Variants in FRY observed in about 807,000 individuals in gnomAD.
FRY encodes the protein protein furry homolog.
Under a neutral mutation model 348.4 loss-of-function variants are expected in FRY, and 128 were observed. The ratio of observed to expected loss-of-function variants is 0.37; its 90% CI spans 0.32 to 0.43. The LOEUF is 0.43. FRY is among the 20% of genes least tolerant of loss of function. The pLI is 1.00. For synonymous variants in FRY, 1,370 were observed against 1,374.7 expected (o/e 1.00, Z 0.08); for missense variants, 2,736 against 3,695.2 (o/e 0.74, Z 6.73).
intron 1 of FRY, among the ~76,000 whole-genome samples, chr13:32,070,023 T>A (rs1874531931): frequency 1.3e-5 from 2 of 152,312 alleles, no homozygotes; most frequent in South Asian, 4.1e-4. Context: ...GTCATCCATG[T>A]CCCTGCAAAG....
In FRY at chr13:32,293,064, A is replaced by G. The variant is rs529840638; in HGVS notation, c.8581-1304A>G. Among the ~76,000 whole-genome samples the G allele has an allele frequency of 1.2e-3, 186 of 152,292 alleles. 2 individuals are homozygous for G. The highest frequency in any genetic ancestry group is 4.2e-3 in the African/African-American group (176 of 41,570). ...GTATTTAGACTACAATATTGTGTAA[A>G]CATAATTTTTATAGGCATGGGGAAA... On this transcript the variant is annotated intron_variant, in intron 59 of 60. Transcript: ENST00000542859.
Position 32,225,808 on chromosome 13 carries a change from T to A in FRY, c.5040T>A (p.Pro1680=). The A allele has an allele frequency of 6.2e-7, 1 of 1,613,952 alleles. No individual in the cohort carries two copies. The highest frequency in any genetic ancestry group is 8.5e-7 in the Non-Finnish European group (1 of 1,179,794). ...AVFLGLDHYR[P]EVFEHSKKLL... is the part of the protein sequence containing the mutation. ...TTCCAGGTTTAGACCACTACCGGCC[T>A]GAAGTCTTTGAACACAGCAAAAAAC... The change falls in exon 39 of 61, where the codon CCT becomes CCA. Residue 1680 remains proline (P), a synonymous_variant. Coordinates refer to ENST00000542859, the MANE Select transcript of FRY (RefSeq NM_023037.3).
At chr13:32,073,914 T>C (rs912274053) in intron 1 of FRY, among the ~76,000 whole-genome samples, 1 of 152,176 alleles carries the variant, frequency 6.6e-6, no homozygotes, top group African/African-American at 2.4e-5. Flanking sequence ...GAGGTGTTTA[T>C]ATTGGTGCTA....
At chr13:32,289,056 A>G (rs1484315438) in intron 58 of FRY, among the ~76,000 whole-genome samples, 4 of 152,246 alleles carry the variant, frequency 2.6e-5, no homozygotes, top group Admixed American at 6.5e-5. Context: ...TCCTTTCCAC[A>G]GAAATTTTCA....
intron 18 of FRY, among the ~76,000 whole-genome samples, chr13:32,172,163 T>C (rs1450672264): frequency 2.6e-5 from 4 of 151,848 alleles, no homozygotes; most frequent in African/African-American, 9.7e-5. Flanking sequence ...TGGATATTGA[T>C]GTGGACGTGG....
intron 11 of FRY, 21 bp downstream of exon 11, chr13:32,136,993 A>G (rs1879762851): frequency 4.5e-6 from 6 of 1,329,470 alleles, no homozygotes; most frequent in Non-Finnish European, 6.5e-6. Flanking sequence ...GTCAGCTCAA[A>G]AACGATCTCT....
rs577822938 is a variant in FRY, at chr13:32,258,077, G to A, written c.7417-3539G>A. The stretch of plus-strand genomic sequence containing the variant: ...TTTTCCTCCCTTCCAGAATATATAT[G>A]CTTATTTGCGTGCATATTTCCATTT... On this transcript the variant is annotated intron_variant, in intron 51 of 60. Coordinates refer to ENST00000542859, the MANE Select transcript of FRY (RefSeq NM_023037.3). 1.4e-5 allele frequency: 12 copies of A among 861,280 alleles called. No homozygotes were observed. In the South Asian group the frequency reaches 1.7e-4, roughly 12 times the overall value. The allele number at this position is 861,280 out of a possible 1,614,324, so 53.4% of individuals were successfully genotyped here.
At chr13:32,114,554 A>G (rs1487983351) in intron 3 of FRY, among the ~76,000 whole-genome samples, 1 of 152,184 alleles carries the variant, frequency 6.6e-6, no homozygotes, top group East Asian at 1.9e-4. Flanking sequence ...AGCATACCAC[A>G]TGAACGTTTA....
chr13:32,054,278 T>C (rs1175804089), intron 1 of FRY, among the ~76,000 whole-genome samples: 1 of 151,796 alleles, frequency 6.6e-6, no homozygotes, highest in Admixed American at 6.6e-5. Flanking sequence ...TTCTGGGAGG[T>C]ATACTAACTA....
chr13:32,032,029 TTC>T (rs1335518836), intron 1 of FRY, among the ~76,000 whole-genome samples, 164 bp downstream of exon 1: 5 of 150,778 alleles, frequency 3.3e-5, no homozygotes, highest in African/African-American at 9.8e-5. Context: ...TTCTTTTTCT[TTC>T]TTTCTTTCTT....
chr13:32,038,727 A>G (rs868834304), intron 1 of FRY: 3 of 152,336 alleles, frequency 2.0e-5, no homozygotes, highest in East Asian at 1.9e-4. Context: ...GGGCTTTTCC[A>G]TAAGACCATC....
chr13:32,117,422 T>C lies in FRY; in HGVS notation c.413T>C (p.Ile138Thr). 1 of 1,613,880 alleles carries C rather than the reference T, an allele frequency of 6.2e-7. No individual in the cohort carries two copies. The highest frequency in any genetic ancestry group is 8.5e-7 in the Non-Finnish European group (1 of 1,179,764). ...GACTGGTATAAAAGGCAAAATGGCA[T>C]TGAGGATGAATCACATGAATACAGA... ...LFDWYKRQNGIEDESHEYRPR... is the reference protein window; with the variant it reads ...LFDWYKRQNGTEDESHEYRPR... Residue 138 changes from isoleucine to threonine, a missense_variant, in exon 4 of 61, where the codon ATT becomes ACT. Coordinates refer to ENST00000542859, the MANE Select transcript of FRY (RefSeq NM_023037.3).
rs1444198968 is a variant in FRY, at chr13:32,275,007, C to T, written c.8286+16C>T. The T allele has an allele frequency of 6.2e-7, 1 of 1,608,332 alleles. No individual in the cohort carries two copies. Among genetic ancestry groups the T allele is most frequent in the Non-Finnish European group, 8.5e-7 (1 of 1,174,974 alleles). ...TGCCGAGACTGTGAGTATCCCAGTC[C>T]TGCTCTGACAGTGAAGGGCCTACGC... is the stretch of plus-strand genomic sequence containing the variant. On this transcript the variant is annotated intron_variant, in intron 56 of 60. Transcript: ENST00000542859.
At chr13:32,208,768 T>G in intron 31 of FRY, 85 bp from the exon 32 acceptor site, 1 of 1,488,900 alleles carries the variant, frequency 6.7e-7, no homozygotes, top group Non-Finnish European at 9.4e-7. Flanking sequence ...AGGACACTGT[T>G]CAGTCTGCAA....
intron 2 of FRY, among the ~76,000 whole-genome samples, chr13:32,100,960 T>C (rs1297467280): frequency 6.6e-6 from 1 of 151,816 alleles, no homozygotes; most frequent in Non-Finnish European, 1.5e-5. Context: ...ACCATCACCT[T>C]GAAGGTTTCA....
intron 1 of FRY, among the ~76,000 whole-genome samples, chr13:32,057,504 G>A (rs1008373874): frequency 2.0e-5 from 3 of 152,080 alleles, no homozygotes; most frequent in Non-Finnish European, 4.4e-5. Flanking sequence ...GTAGTTGTAT[G>A]ATCTAACCTT....
chr13:32,053,646 C>T (rs1293864965), intron 1 of FRY, among the ~76,000 whole-genome samples: 1 of 152,190 alleles, frequency 6.6e-6, no homozygotes, highest in African/African-American at 2.4e-5. Flanking sequence ...AGTGCACATG[C>T]GTCCCTGATG....
chr13:32,124,165 T>C, intron 4 of FRY, 121 bp from the exon 5 acceptor site: 1 of 697,664 alleles, frequency 1.4e-6, no homozygotes, highest in Non-Finnish European at 2.6e-6. Context: ...ACCAGTGCAA[T>C]TATATAATTT....
At chr13:32,252,581 A>G (rs1180860993) in intron 50 of FRY, among the ~76,000 whole-genome samples, 4 of 152,188 alleles carry the variant, frequency 2.6e-5, no homozygotes, top group African/African-American at 9.7e-5. Flanking sequence ...TGCTAGTTTC[A>G]CCAGGTATTT....
Sources: gnomAD v4.1 joint callset for allele counts (sites outside exome capture counted in the v4.1 genomes callset) on GRCh38, gnomAD v4.1.1 for gene constraint, MANE v1.5 for transcripts, NCBI Gene and HGNC (gene_info 2026-07-23, HGNC 2026-07-21) for gene names.